KMT2C: variants seen among roughly 807,000 people sequenced by gnomAD.
KMT2C encodes the protein histone-lysine N-methyltransferase 2C.
Under a neutral mutation model 507.9 loss-of-function variants are expected in KMT2C, and 88 were observed. The observed-to-expected ratio is 0.17, with a 90% CI of 0.15 to 0.21. The LOEUF (loss-of-function observed/expected upper bound fraction) is 0.21. KMT2C is among the 10% of genes least tolerant of loss of function. The pLI, the probability that KMT2C is intolerant of heterozygous loss-of-function variation, is 1.00. For missense variants in KMT2C, 4,954 were observed against 5,957.8 expected (o/e 0.83, Z 5.55); for synonymous variants, 2,049 against 2,080.8 (o/e 0.98, Z 0.42).
chr7:152,137,206 G>GC, intron 58 of KMT2C: 1 of 316,632 alleles, frequency 3.2e-6, no homozygotes. Flanking sequence ...TGCTGTCCCT[G>GC]CAAGTGGATG....
At chr7:152,281,972 G>A (rs113454470) in intron 6 of KMT2C, among the ~76,000 whole-genome samples, 18 of 151,772 alleles carry the variant, frequency 1.2e-4, no homozygotes, top group African/African-American at 2.9e-4. Context: ...TCTTGTTTAC[G>A]TAATGGTTTT....
At chr7:152,329,004 T>C (rs577979407) in intron 3 of KMT2C, among the ~76,000 whole-genome samples, 50 of 151,888 alleles carry the variant, frequency 3.3e-4, no homozygotes, top group Non-Finnish European at 6.9e-4. Context: ...AAGCAGACAG[T>C]TGGACATAAA....
intron 4 of KMT2C, among the ~76,000 whole-genome samples, chr7:152,314,188 A>G (rs2096701223): frequency 6.6e-6 from 1 of 152,084 alleles, no homozygotes; most frequent in Non-Finnish European, 1.5e-5. Context: ...TTCATTTCCT[A>G]CTTCAGGTCT....
intron 6 of KMT2C, among the ~76,000 whole-genome samples, chr7:152,296,320 G>A (rs1172730061): frequency 2.6e-5 from 4 of 151,370 alleles, no homozygotes; most frequent in Admixed American, 6.6e-5. Context: ...TATAATCCCA[G>A]CTACTCCAGA....
At chr7:152,342,223 C>T (rs2129220363) in intron 2 of KMT2C, among the ~76,000 whole-genome samples, 1 of 152,272 alleles carries the variant, frequency 6.6e-6, no homozygotes, top group African/African-American at 2.4e-5. Context: ...GATTTTGATA[C>T]ATAACTCAAG....
At chr7:152,327,548 C>T (rs186401857) in intron 3 of KMT2C, among the ~76,000 whole-genome samples, 230 of 152,294 alleles carry the variant, frequency 1.5e-3, no homozygotes, top group Middle Eastern at 0.014. Context: ...ATGCATTACA[C>T]CATTTCTAAT....
intron 18 of KMT2C, among the ~76,000 whole-genome samples, chr7:152,224,896 T>C (rs2094881230): frequency 6.6e-6 from 1 of 152,174 alleles, no homozygotes; most frequent in African/African-American, 2.4e-5. Context: ...ACTATATTTA[T>C]AGATATAGTG....
At chr7:152,358,198 C>T (rs17173406) in intron 2 of KMT2C, among the ~76,000 whole-genome samples, 4 of 152,138 alleles carry the variant, frequency 2.6e-5, no homozygotes, top group Non-Finnish European at 5.9e-5. Flanking sequence ...ATATTAATTC[C>T]ATAACGAAAC....
At chr7:152,414,952 G>A (rs1348957595) in intron 1 of KMT2C, among the ~76,000 whole-genome samples, 3 of 151,544 alleles carry the variant, frequency 2.0e-5, no homozygotes, top group East Asian at 1.9e-4. Context: ...AGGCTCAAGC[G>A]ATCCTCCCTC....
intron 41 of KMT2C, among the ~76,000 whole-genome samples, chr7:152,168,166 G>C (rs1300627180): frequency 6.6e-6 from 1 of 151,506 alleles, no homozygotes; most frequent in African/African-American, 2.4e-5. Flanking sequence ...AAAAGTCATC[G>C]TATGTAGTGA....
In KMT2C at chr7:152,163,373, C is replaced by A; in HGVS notation, c.10204G>T (p.Glu3402Ter). Residue 3402 changes from glutamate to a stop codon, truncating the protein, a stop_gained, in exon 43 of 59, where the codon GAA (glutamate) becomes TAA (stop). Coordinates refer to ENST00000262189, the MANE Select transcript of KMT2C (RefSeq NM_170606.3). LOFTEE classifies it high-confidence loss of function. ...SESFQERERKERLREQQERQR... is the reference protein window; with the variant it reads ...SESFQERERK Reference sequence around the variant, plus strand: ...CTCTCTTGCTGTTCTCGTAAACGTTCCTTACGTTCCCGTTCTTGAAAACTT... The same window carrying A: ...CTCTCTTGCTGTTCTCGTAAACGTTACTTACGTTCCCGTTCTTGAAAACTT... 6.2e-7 allele frequency: 1 copy of A among 1,614,186 alleles called. No homozygotes were observed. The highest frequency in any genetic ancestry group is 1.1e-5 in the South Asian group (1 of 91,078).
intron 1 of KMT2C, among the ~76,000 whole-genome samples, chr7:152,409,717 C>T (rs181192384): frequency 6.6e-6 from 1 of 152,036 alleles, no homozygotes; most frequent in South Asian, 2.1e-4. Flanking sequence ...GGTGACAGAG[C>T]AAGACTCCGT....
Position 152,146,725 on chromosome 7 carries a change from A to T in KMT2C, c.13905T>A (p.Asp4635Glu), listed in dbSNP as rs2129094074. 1.2e-6 allele frequency: 2 copies of T among 1,613,936 alleles called. No homozygotes were observed. The highest frequency in any genetic ancestry group is 1.7e-6 in the Non-Finnish European group (2 of 1,179,882). Residue 4635 changes from aspartate (D) to glutamate (E), a missense_variant, in exon 53 of 59, where the codon GAT becomes GAA. Asp to Glu is a conservative substitution (Grantham distance 45). Around this residue, in one of 29 missense-constraint regions of KMT2C, gnomAD observed 221 missense variants for 304.7 expected, o/e 0.73. Transcript: ENST00000262189. ...LSDISPKGVW[D>E]KILEPVACVR... ...CACATGCCACAGGCTCCAAAATCTT[A>T]TCCCAGACACCTACACAGGGACAAA...
Position 152,177,885 on chromosome 7 carries a change from G to C in KMT2C, c.7568C>G (p.Pro2523Arg), listed in dbSNP as rs2129115570. The change falls in exon 38 of 59, where the codon CCT becomes CGT. Residue 2523 changes from proline (P) to arginine (R), a missense_variant. Coordinates refer to ENST00000262189, the MANE Select transcript of KMT2C (RefSeq NM_170606.3). ...QLRRSVSVDM[P>R]RPLNNSQMNN... is the part of the protein sequence containing the mutation. ...CATTTGTGAGTTATTTAAAGGCCTAGGCATATCTACAGATACTGATCTTCT... is the reference window on the plus strand; with the variant it reads ...CATTTGTGAGTTATTTAAAGGCCTACGCATATCTACAGATACTGATCTTCT... 1 of 1,613,528 alleles carries C rather than the reference G, an allele frequency of 6.2e-7. No homozygotes were observed. The highest frequency in any genetic ancestry group is 1.1e-5 in the South Asian group (1 of 91,060).
At chr7:152,284,738 A>G (rs1202141974) in intron 6 of KMT2C, among the ~76,000 whole-genome samples, 2 of 152,098 alleles carry the variant, frequency 1.3e-5, no homozygotes, top group East Asian at 1.9e-4. Context: ...AATCAATTGG[A>G]AAAAAATGGT....
chr7:152,159,955 G>A (rs1158373238), intron 43 of KMT2C, among the ~76,000 whole-genome samples: 1 of 152,172 alleles, frequency 6.6e-6, no homozygotes, highest in Non-Finnish European at 1.5e-5. Context: ...ACATTTTTAT[G>A]TAAAGAGCCA....
At chr7:152,266,834 C>A (rs367844658) in intron 7 of KMT2C, among the ~76,000 whole-genome samples, 507 of 130,056 alleles carry the variant, frequency 3.9e-3, no homozygotes, top group African/African-American at 9.2e-3. Flanking sequence ...AAAATGTGGA[C>A]GCTGGCTGGA....
chr7:152,139,860 G>T, intron 55 of KMT2C, 69 bp from the exon 56 acceptor site: 3 of 1,104,418 alleles, frequency 2.7e-6, no homozygotes, highest in Non-Finnish European at 4.1e-6. Flanking sequence ...TTCATACAAA[G>T]GTTTCACCCT....
intron 9 of KMT2C, among the ~76,000 whole-genome samples, chr7:152,256,800 C>G (rs1214318199): frequency 6.6e-6 from 1 of 151,924 alleles, no homozygotes; most frequent in African/African-American, 2.4e-5. Context: ...ATTAAAACTA[C>G]ATTGATACAC....
Sources: gnomAD v4.1 joint callset for allele counts (sites outside exome capture counted in the v4.1 genomes callset) on GRCh38, gnomAD v4.1.1 for gene constraint, gnomAD v4.1.1 regional missense constraint, MANE v1.5 for transcripts, NCBI Gene and HGNC (gene_info 2026-07-23, HGNC 2026-07-21) for gene names.